The following CWH43 variants were observed in gnomAD, a reference collection of about 807,000 sequenced individuals.
CWH43 encodes the protein cell wall biogenesis 43 C-terminal homolog.
Under a neutral mutation model 85.7 loss-of-function variants are expected in CWH43, and 91 were observed. The observed-to-expected ratio is 1.06, with a 90% CI of 0.90 to 1.26. The LOEUF (loss-of-function observed/expected upper bound fraction) is 1.26. Among genes scored for constraint, CWH43 ranks in the 50% most tolerant of loss-of-function variants. The pLI is 0.00. For missense variants in CWH43, 869 were observed against 839.2 expected (o/e 1.04, Z -0.44); for synonymous variants, 323 against 293.6 (o/e 1.10, Z -1.02).
intron 13 of CWH43, among the ~76,000 whole-genome samples, chr4:49,041,830 T>G (rs1784473272): frequency 6.6e-6 from 1 of 152,166 alleles, no homozygotes; most frequent in African/African-American, 2.4e-5. Context: ...CCAGTTCCTC[T>G]GAAGGCAAGT....
intron 6 of CWH43, among the ~76,000 whole-genome samples, chr4:49,001,352 T>G (rs1426229620): frequency 6.6e-6 from 1 of 152,168 alleles, no homozygotes; most frequent in Non-Finnish European, 1.5e-5. Context: ...CTATTACTTC[T>G]GCTTGATGTC....
At chr4:49,004,905 A>G (rs1326951131) in intron 7 of CWH43, among the ~76,000 whole-genome samples, 2 of 152,164 alleles carry the variant, frequency 1.3e-5, no homozygotes, top group African/African-American at 2.4e-5. Flanking sequence ...CAATTTTAAT[A>G]TTTTAAAAAT....
In CWH43 at chr4:49,003,987, T is replaced by C; in HGVS notation, c.1055T>C (p.Leu352Pro). The change falls in exon 7 of 16, where the codon CTT becomes CCT. Residue 352 changes from leucine to proline, a missense_variant. This residue lies in a region of CWH43 where 577 missense variants were observed against 513.1 expected (regional missense o/e 1.12). Coordinates refer to ENST00000226432, the MANE Select transcript of CWH43 (RefSeq NM_025087.3). ...TACGCTAGAGAAAGATCAGATGTGC[T>C]TTTGGGTGAGTACATTTGAAAGGTC... ...GVYARERSDV[L>P]LGTMMLIIGL... 6.2e-7 allele frequency: 1 copy of C among 1,608,840 alleles called. No homozygotes were observed. The highest frequency in any genetic ancestry group is 8.5e-7 in the Non-Finnish European group (1 of 1,178,638).
At chr4:49,017,059 C>T (rs878986311) in intron 8 of CWH43, 190 bp from the exon 9 acceptor site, 1 of 737,274 alleles carries the variant, frequency 1.4e-6, no homozygotes. Context: ...TCGGCTGGCA[C>T]CTTGGTCACG....
intron 6 of CWH43, 79 bp from the exon 7 acceptor site, chr4:49,003,656 C>T: frequency 7.0e-7 from 1 of 1,425,130 alleles, no homozygotes; most frequent in Non-Finnish European, 9.7e-7. Flanking sequence ...AAGGTCTGTT[C>T]TGGTCCTAAA....
intron 8 of CWH43, among the ~76,000 whole-genome samples, chr4:49,010,480 T>C (rs1209293816): frequency 6.6e-6 from 1 of 152,180 alleles, no homozygotes; most frequent in African/African-American, 2.4e-5. Flanking sequence ...TCTCCTTTCG[T>C]TCTGCTCTGA....
chr4:49,052,979 T>C (rs1220831684), intron 15 of CWH43, among the ~76,000 whole-genome samples: 2 of 152,136 alleles, frequency 1.3e-5, no homozygotes, highest in African/African-American at 4.8e-5. Context: ...ACCATTCTAC[T>C]CTTTGCTTCC....
intron 15 of CWH43, among the ~76,000 whole-genome samples, chr4:49,052,954 C>A (rs1490685150): frequency 6.6e-6 from 1 of 152,156 alleles, no homozygotes; most frequent in Non-Finnish European, 1.5e-5. Context: ...TCATCTCCCC[C>A]AGCCCCTGCC....
At chr4:49,049,400 T>A (rs933471112) in intron 14 of CWH43, among the ~76,000 whole-genome samples, 1 of 152,126 alleles carries the variant, frequency 6.6e-6, no homozygotes, top group African/African-American at 2.4e-5. Flanking sequence ...TTACCTAAGT[T>A]ATTGCAGTGG....
intron 1 of CWH43, 109 bp downstream of exon 1, chr4:48,986,581 G>A: frequency 2.0e-6 from 3 of 1,523,568 alleles, no homozygotes; most frequent in Non-Finnish European, 2.6e-6. Flanking sequence ...GGAAAAGGGC[G>A]CTCCGTGCCC....
At chr4:49,044,747 T>C (rs780076161) in intron 13 of CWH43, 39 bp from the exon 14 acceptor site, 3 of 1,569,678 alleles carry the variant, frequency 1.9e-6, no homozygotes, top group Non-Finnish European at 2.6e-6. Context: ...GAGCTTTGCT[T>C]TTTATGCTTT....
At chr4:49,015,008 T>C (rs1382559503) in intron 8 of CWH43, among the ~76,000 whole-genome samples, 2 of 152,170 alleles carry the variant, frequency 1.3e-5, no homozygotes, top group African/African-American at 4.8e-5. Flanking sequence ...TTCTCTGCCC[T>C]AAACATCCCC....
At chr4:48,990,053 T>C (rs1196950890) in intron 2 of CWH43, among the ~76,000 whole-genome samples, 8 of 152,320 alleles carry the variant, frequency 5.3e-5, no homozygotes, top group South Asian at 4.1e-4. Context: ...GTGCTGCCTA[T>C]GTGGGCCTTA....
chr4:49,018,200 A>G (rs1783622505), intron 9 of CWH43, among the ~76,000 whole-genome samples: 1 of 152,098 alleles, frequency 6.6e-6, no homozygotes, highest in Non-Finnish European at 1.5e-5. Context: ...ACAACACCAA[A>G]GGGGGTGTTT....
intron 8 of CWH43, among the ~76,000 whole-genome samples, chr4:49,014,654 A>T (rs1355405309): frequency 6.6e-6 from 1 of 152,034 alleles, no homozygotes; most frequent in Non-Finnish European, 1.5e-5. Flanking sequence ...CACTTATCAA[A>T]TCGAGGCATT....
rs771513644 is a variant in CWH43, at chr4:49,038,196, T to C, written c.1803+16T>C. Reference sequence around the variant, plus strand: ...CAATGTGAAGGTAACATAATCTTAATAGGATTTCTAATTTATTAAGTAAAA... The same window carrying C: ...CAATGTGAAGGTAACATAATCTTAACAGGATTTCTAATTTATTAAGTAAAA... On this transcript the variant is annotated intron_variant, in intron 13 of 15. Transcript: ENST00000226432. 2.6e-6 allele frequency: 4 copies of C among 1,518,756 alleles called. No individual in the cohort carries two copies. Among genetic ancestry groups the C allele is most frequent in the Non-Finnish European group, 3.5e-6 (4 of 1,130,348 alleles). 94.1% of individuals were successfully genotyped at this position (1,518,756 alleles called of 1,614,324 possible). A position where few individuals can be genotyped will look rare whatever the true frequency, so the allele number is the denominator to read the frequency against.
At chr4:49,061,770 T>C in intron 15 of CWH43, 42 bp from the exon 16 acceptor site, 1 of 1,276,028 alleles carries the variant, frequency 7.8e-7, no homozygotes, top group Non-Finnish European at 1.0e-6. Flanking sequence ...CTGAATGGTT[T>C]TTACATGCCA....
chr4:49,045,148 T>C (rs931638071), intron 14 of CWH43, among the ~76,000 whole-genome samples: 9 of 152,164 alleles, frequency 5.9e-5, no homozygotes, highest in African/African-American at 4.8e-5. Context: ...AATGGCACCA[T>C]TTTTGAATGT....
intron 14 of CWH43, among the ~76,000 whole-genome samples, chr4:49,048,960 TG>T (rs1784713504): frequency 1.3e-5 from 2 of 152,184 alleles, no homozygotes; most frequent in Admixed American, 1.3e-4. Context: ...AGGTATTAGG[TG>T]CTTAATAAAT....
Sources: allele counts gnomAD v4.1 joint callset (sites outside exome capture counted in the v4.1 genomes callset), GRCh38; gene constraint gnomAD v4.1.1; regional missense constraint gnomAD v4.1.1; transcripts MANE v1.5; gene names NCBI Gene and HGNC (gene_info 2026-07-23, HGNC 2026-07-21).